The following P2RX5 variants were observed in gnomAD, a reference collection of about 807,000 sequenced individuals.
P2RX5 encodes P2X purinoceptor 5.
A neutral mutation model predicts 54.1 loss-of-function variants in P2RX5; 46 were observed. The observed-to-expected ratio is 0.85, with a 90% CI of 0.67 to 1.09. The LOEUF (loss-of-function observed/expected upper bound fraction) is 1.09. P2RX5 is among the 50% of genes least tolerant of loss of function. The pLI, the probability that P2RX5 is intolerant of heterozygous loss-of-function variation, is 0.00. For synonymous variants in P2RX5, 226 were observed against 226.4 expected (o/e 1.00, Z 0.02); for missense variants, 566 against 549.8 (o/e 1.03, Z -0.29).
intron 1 of P2RX5, chr17:3,692,141 CA>C (rs11419514): frequency 0.014 from 2,040 of 143,034 alleles, no homozygotes; most frequent in South Asian, 0.067. Context: ...TGTCTCTACT[CA>C]AAAAAAAAAA....
Position 3,688,735 on chromosome 17 carries a change from C to T in P2RX5, c.778G>A (p.Glu260Lys). The T allele has an allele frequency of 6.2e-7, 1 of 1,614,016 alleles. No individual in the cohort carries two copies. The highest frequency in any genetic ancestry group is 8.5e-7 in the Non-Finnish European group (1 of 1,179,920). ...LEGGVIGINI[E>K]WNCDLDKAAS... ...GCTTTATCAAGATCACAGTTCCATT[C>T]AATATTAATTCCTATCACGCCACCC... Residue 260 changes from glutamate to lysine, a missense_variant, in exon 8 of 12, where the codon GAA (glutamate) becomes AAA (lysine). Coordinates refer to ENST00000225328, the MANE Select transcript of P2RX5 (RefSeq NM_002561.4).
intron 3 of P2RX5, 132 bp downstream of exon 3, chr17:3,690,824 A>G: frequency 8.8e-7 from 1 of 1,141,370 alleles, no homozygotes. Flanking sequence ...TAATGCAGGA[A>G]CCACACCCGG....
At chr17:3,714,733 C>T in the P2RX5 span, 2 of 602,356 alleles carry the variant, frequency 3.3e-6, no homozygotes, top group Non-Finnish European at 5.9e-6. Context: ...AACTAATATT[C>T]TACCAACAGC....
In P2RX5 at chr17:3,690,592, T is replaced by C. The variant is rs1274757522; in HGVS notation, c.436+13A>G. ...GAGTCCTCCTTCAGCCCGTGGCCGCTCCAGGCCCTCACCGTTTCCAGCTGT... is the reference window on the plus strand; with the variant it reads ...GAGTCCTCCTTCAGCCCGTGGCCGCCCCAGGCCCTCACCGTTTCCAGCTGT... On this transcript the variant is annotated intron_variant, in intron 4 of 11. Coordinates refer to ENST00000225328, the MANE Select transcript of P2RX5 (RefSeq NM_002561.4). 1 of 1,613,412 alleles carries C rather than the reference T, an allele frequency of 6.2e-7. No homozygotes were observed. Among genetic ancestry groups the C allele is most frequent in the Admixed American group, 1.7e-5 (1 of 60,032 alleles).
chr17:3,719,155 G>C, the P2RX5 span, among the ~76,000 whole-genome samples: 8 of 147,506 alleles, frequency 5.4e-5, no homozygotes, highest in South Asian at 2.1e-4. Flanking sequence ...AGAATCACTT[G>C]AACTGGGGAG....
At chr17:3,674,544 G>A (rs571017302) in intron 11 of P2RX5, among the ~76,000 whole-genome samples, 9 of 152,280 alleles carry the variant, frequency 5.9e-5, no homozygotes, top group Admixed American at 3.3e-4. Context: ...AGGCTTGGCC[G>A]GCCTTGAAGA....
At chr17:3,696,687 A>G (rs1389124062), upstream of P2RX5, among the ~76,000 whole-genome samples, 1 of 152,022 alleles carries the variant, frequency 6.6e-6, no homozygotes, top group Non-Finnish European at 1.5e-5. Flanking sequence ...TGATCCGCCC[A>G]CCTCGGCCTC....
At chr17:3,713,073 A>G in the P2RX5 span, among the ~76,000 whole-genome samples, 2 of 152,254 alleles carry the variant, frequency 1.3e-5, no homozygotes, top group East Asian at 1.9e-4. Flanking sequence ...CAACAAAAGC[A>G]TAATAACAGG....
chr17:3,692,974 A>C (rs1426097376), intron 1 of P2RX5, among the ~76,000 whole-genome samples: 1 of 152,228 alleles, frequency 6.6e-6, no homozygotes, highest in African/African-American at 2.4e-5. Flanking sequence ...CAAGAAAGTG[A>C]AAAGACAACC....
At chr17:3,699,844 G>GAAA (rs565713894), upstream of P2RX5, among the ~76,000 whole-genome samples, 113 of 105,934 alleles carry the variant, frequency 1.1e-3, 2 homozygotes, top group African/African-American at 3.5e-3. Flanking sequence ...GAGAGAGAAA[G>GAAA]AAAAAGAAAA....
At chr17:3,679,558 C>A (rs1347413350) in intron 11 of P2RX5, 32 bp downstream of exon 11, 7 of 1,596,552 alleles carry the variant, frequency 4.4e-6, no homozygotes, top group Non-Finnish European at 6.0e-6. Flanking sequence ...CAGGACCCAG[C>A]TGTCGGGCTC....
upstream of P2RX5, among the ~76,000 whole-genome samples, chr17:3,699,095 C>CACATA (rs60173844): frequency 0.038 from 3,782 of 100,154 alleles, 130 homozygotes; most frequent in Non-Finnish European, 0.047. Context: ...ACACACACAC[C>CACATA]TATATATATA....
chr17:3,715,455 G>C, the P2RX5 span, among the ~76,000 whole-genome samples: 2 of 152,250 alleles, frequency 1.3e-5, no homozygotes, highest in African/African-American at 4.8e-5. Flanking sequence ...CCGCTTTCAG[G>C]GAAGACAGTG....
At chr17:3,680,287 A>G (rs1475030321) in intron 10 of P2RX5, among the ~76,000 whole-genome samples, 19 of 70,852 alleles carry the variant, frequency 2.7e-4, no homozygotes, top group East Asian at 1.4e-3. Context: ...TCCACCCTGC[A>G]TCCTCCACCC....
the P2RX5 span, among the ~76,000 whole-genome samples, chr17:3,713,089 C>A: frequency 1.3e-5 from 2 of 152,322 alleles, no homozygotes; most frequent in African/African-American, 4.8e-5. Flanking sequence ...ACAGGTCAGG[C>A]GCAGTGGCTC....
intron 9 of P2RX5, 41 bp downstream of exon 9, chr17:3,687,971 C>T (rs1245837335): frequency 1.0e-5 from 5 of 482,096 alleles, no homozygotes; most frequent in East Asian, 5.8e-5. Context: ...TCCCAGCCCC[C>T]GCCCCCCGCC....
At chr17:3,701,126 C>A (rs868145050), upstream of P2RX5, among the ~76,000 whole-genome samples, 1 of 152,204 alleles carries the variant, frequency 6.6e-6, no homozygotes, top group African/African-American at 2.4e-5. Context: ...GATTTACAAG[C>A]CTTTGTCTAG....
chr17:3,705,326 C>G, the P2RX5 span, among the ~76,000 whole-genome samples: 3 of 152,178 alleles, frequency 2.0e-5, no homozygotes, highest in African/African-American at 7.2e-5. Context: ...AATGCACAGT[C>G]CTACCTGCCT....
Position 3,691,539 on chromosome 17 carries a change from G to C in P2RX5, c.288+105C>G. The C allele has an allele frequency of 7.1e-6, 10 of 1,401,484 alleles. No homozygotes were observed. The South Asian group carries it at 9.5e-5, about 13-fold the overall frequency. 86.8% of individuals were successfully genotyped at this position (1,401,484 alleles called of 1,614,324 possible). ...CTGGCAGCTGTCTTGGGCCAAGAGA[G>C]ATGATGGATGGGGGTCCCTGCGTAT... On this transcript the variant is annotated intron_variant, in intron 2 of 11. Transcript: ENST00000225328.
Sources: gnomAD v4.1 joint callset for allele counts (sites outside exome capture counted in the v4.1 genomes callset) on GRCh38, gnomAD v4.1.1 for gene constraint, MANE v1.5 for transcripts, NCBI Gene and HGNC (gene_info 2026-07-23, HGNC 2026-07-21) for gene names.